NFATC3: variants seen among roughly 807,000 people sequenced by gnomAD.
NFATC3 encodes the protein nuclear factor of activated T-cells, cytoplasmic 3.
In NFATC3, 46 loss-of-function variants were observed where a neutral mutation model predicts 98.6. The ratio of observed to expected loss-of-function variants is 0.47; its 90% CI spans 0.37 to 0.60. The LOEUF (loss-of-function observed/expected upper bound fraction) is 0.60, where lower values mean the gene tolerates loss of function less well. Among genes scored for constraint, NFATC3 ranks in the 20% least tolerant of loss-of-function variants. The pLI is 0.00. For synonymous variants in NFATC3, 512 were observed against 472.2 expected (o/e 1.08, Z -1.09); for missense variants, 1,256 against 1,295.5 (o/e 0.97, Z 0.47).
At chr16:68,141,712 C>T (rs1399024851) in intron 3 of NFATC3, among the ~76,000 whole-genome samples, 1 of 151,740 alleles carries the variant, frequency 6.6e-6, no homozygotes, top group African/African-American at 2.4e-5. Flanking sequence ...GGGTATTAGT[C>T]CTTTATTGGA....
At chr16:68,171,572 C>A (rs1209483662) in intron 5 of NFATC3, among the ~76,000 whole-genome samples, 1 of 151,532 alleles carries the variant, frequency 6.6e-6, no homozygotes, top group Non-Finnish European at 1.5e-5. Flanking sequence ...CTCCCAGGTT[C>A]AAGAGATTCT....
At chr16:68,221,436 A>G in intron 9 of NFATC3, 2 of 1,407,946 alleles carry the variant, frequency 1.4e-6, no homozygotes, top group East Asian at 2.6e-5. Flanking sequence ...TAAAATTTAT[A>G]TTCAGTGCTC....
chr16:68,145,591 T>C (rs2038001296), intron 3 of NFATC3, among the ~76,000 whole-genome samples: 1 of 152,204 alleles, frequency 6.6e-6, no homozygotes, highest in Non-Finnish European at 1.5e-5. Flanking sequence ...CTCCATAGAC[T>C]TATGCTGAGT....
chr16:68,152,848 G>A (rs547663218), intron 3 of NFATC3, among the ~76,000 whole-genome samples: 1 of 152,290 alleles, frequency 6.6e-6, no homozygotes, highest in East Asian at 1.9e-4. Context: ...GGTTACTTTT[G>A]TGTTACAGTG....
intron 9 of NFATC3, among the ~76,000 whole-genome samples, chr16:68,210,791 T>C (rs1193607045): frequency 6.6e-6 from 1 of 152,138 alleles, no homozygotes; most frequent in Non-Finnish European, 1.5e-5. Context: ...TTTGTTTTTT[T>C]GTTTGTTTGA....
rs146709981 is a variant in NFATC3 at position 68,226,658 on chromosome 16, G to A, written c.*187G>A. ...TGGCAAAAGAACAGGAGCAGCATAG[G>A]CTGTTTGAGCTTTGGGGAAATGAAC... On this transcript the variant is annotated 3_prime_UTR_variant, in exon 10 of 10. Coordinates refer to ENST00000346183, the MANE Select transcript of NFATC3 (RefSeq NM_173165.3). The A allele has an allele frequency of 3.4e-4, 173 of 506,204 alleles. 2 individuals carry two copies. The Admixed American group carries it at 6.5e-3, about 19-fold the overall frequency. 31.4% of individuals were successfully genotyped at this position (506,204 alleles called of 1,614,324 possible).
At chr16:68,089,206 AG>A in intron 1 of NFATC3, 1 of 985,452 alleles carries the variant, frequency 1.0e-6, no homozygotes. Context: ...TAGTGAGGTA[AG>A]TGGATAGAGA....
At chr16:68,186,292 T>C (rs1274029768) in intron 8 of NFATC3, among the ~76,000 whole-genome samples, 1 of 151,770 alleles carries the variant, frequency 6.6e-6, no homozygotes, top group South Asian at 2.1e-4. Flanking sequence ...AGCTCACGCC[T>C]GTAATCCCAG....
intron 5 of NFATC3, among the ~76,000 whole-genome samples, chr16:68,167,810 C>CTTTTTTTTTTTTTTTTTATTTTTTT (rs2039272307): frequency 4.2e-5 from 1 of 23,898 alleles, no homozygotes; most frequent in Non-Finnish European, 1.1e-4. Context: ...CGTATGTGTT[C>CTTTTTTTTTTTTTTTTTATTTTTTT]TTTTTTTTTT....
chr16:68,178,093 TCTC>T (rs2039798387), intron 6 of NFATC3, among the ~76,000 whole-genome samples: 1 of 152,180 alleles, frequency 6.6e-6, no homozygotes, highest in Non-Finnish European at 1.5e-5. Flanking sequence ...TTATTTTTCT[TCTC>T]ATTGTTTTCC....
chr16:68,172,635 A>G (rs2039517412), intron 5 of NFATC3, among the ~76,000 whole-genome samples: 1 of 151,976 alleles, frequency 6.6e-6, no homozygotes, highest in African/African-American at 2.4e-5. Flanking sequence ...ATTTTTTTTT[A>G]GTTGTGTATG....
At chr16:68,199,516 G>A (rs1343649308) in intron 9 of NFATC3, among the ~76,000 whole-genome samples, 1 of 148,352 alleles carries the variant, frequency 6.7e-6, no homozygotes, top group Admixed American at 6.8e-5. Context: ...GAGCCACCGC[G>A]CCCGGCCCCA....
chr16:68,185,000 G>T (rs547385324), intron 8 of NFATC3, among the ~76,000 whole-genome samples: 4,585 of 144,646 alleles, frequency 0.032, 210 homozygotes, highest in African/African-American at 0.11. Context: ...TTTTTTTTTT[G>T]AGAGAGAGTC....
intron 3 of NFATC3, among the ~76,000 whole-genome samples, chr16:68,151,293 G>T (rs1027019586): frequency 1.3e-5 from 2 of 152,298 alleles, no homozygotes; most frequent in Admixed American, 1.3e-4. Flanking sequence ...AGAAGACACA[G>T]TGAAGTAGTT....
chr16:68,128,630 T>A (rs2036961592), intron 3 of NFATC3, among the ~76,000 whole-genome samples: 1 of 151,908 alleles, frequency 6.6e-6, no homozygotes, highest in Non-Finnish European at 1.5e-5. Flanking sequence ...TTAAAAAAAA[T>A]AATTTTAAAA....
intron 3 of NFATC3, among the ~76,000 whole-genome samples, chr16:68,131,046 G>A (rs75229939): frequency 0.11 from 16,393 of 152,062 alleles, 991 homozygotes; most frequent in South Asian, 0.19. Flanking sequence ...TCTTGTTACT[G>A]TCATTTTGTA....
intron 4 of NFATC3, among the ~76,000 whole-genome samples, chr16:68,159,508 C>T (rs781103859): frequency 1.4e-4 from 21 of 151,042 alleles, no homozygotes; most frequent in South Asian, 2.1e-4. Flanking sequence ...ACGCAAGCTC[C>T]GCCTCCTGGG....
chr16:68,181,530 G>A lies in NFATC3; in HGVS notation c.1971G>A (p.Gly657=), dbSNP rs1328882040. 6 of 1,601,924 alleles carry A rather than the reference G, an allele frequency of 3.7e-6. No homozygotes were observed. Among genetic ancestry groups the A allele is most frequent in the Non-Finnish European group, 4.3e-6 (5 of 1,169,606 alleles). ...EGKIIREKCQ[G]AHIVLEVPPY... ...AGATAATCAGGGAAAAATGTCAAGG[G>A]GTAAGAAATTTACCTTAATTCTTAA... Residue 657 remains glycine, a splice_region_variant and synonymous_variant, in exon 7 of 10, where the codon GGG becomes GGA. Coordinates refer to ENST00000346183, the MANE Select transcript of NFATC3 (RefSeq NM_173165.3).
At chr16:68,222,351 A>G (rs2041905125) in intron 9 of NFATC3, among the ~76,000 whole-genome samples, 1 of 150,924 alleles carries the variant, frequency 6.6e-6, no homozygotes, top group Non-Finnish European at 1.5e-5. Flanking sequence ...AAAAGAGAGA[A>G]AACACGTCAT....
Sources: gnomAD v4.1 joint callset for allele counts (sites outside exome capture counted in the v4.1 genomes callset) on GRCh38, gnomAD v4.1.1 for gene constraint, MANE v1.5 for transcripts, NCBI Gene and HGNC (gene_info 2026-07-23, HGNC 2026-07-21) for gene names.